Variants in SELENOW observed in about 807,000 individuals in gnomAD.
The protein encoded by SELENOW is selenoprotein W, 1.
A neutral mutation model predicts 16.6 loss-of-function variants in SELENOW; 20 were observed. That is an observed-to-expected ratio of 1.21 (90% confidence interval 0.85 to 1.76). SELENOW has a LOEUF of 1.76. SELENOW is among the 40% of genes most tolerant of loss of function. The probability of loss-of-function intolerance (pLI) is 0.00; values close to 1 mark genes in which losing one functional copy is unlikely to be tolerated. For synonymous variants in SELENOW, 44 were observed against 46.2 expected (o/e 0.95, Z 0.19); for missense variants, 124 against 111.0 (o/e 1.12, Z -0.53).
In SELENOW at chr19:47,779,077, C is replaced by G. The variant is rs1967441943; in HGVS notation, c.29+263C>G. ...GACGAGTGTGTGTCAATTTCGAACCCCCGACTCCGGGGCTCCGCTGGGGAA... is the reference window on the plus strand; with the variant it reads ...GACGAGTGTGTGTCAATTTCGAACCGCCGACTCCGGGGCTCCGCTGGGGAA... On this transcript the variant is annotated intron_variant, in intron 1 of 5. Transcript: ENST00000601048. 2.4e-5 allele frequency: 12 copies of G among 497,770 alleles called. No individual in the cohort carries two copies. The South Asian group carries it at 3.2e-4, about 13-fold the overall frequency. The allele number at this position is 497,770 out of a possible 1,614,324, so 30.8% of individuals were successfully genotyped here. A position where few individuals can be genotyped will look rare whatever the true frequency, so the allele number is the denominator to read the frequency against.
intron 2 of SELENOW, 23 bp downstream of exon 2, chr19:47,780,772 G>GA (rs1412403001): frequency 1.3e-6 from 2 of 1,582,020 alleles, no homozygotes; most frequent in Admixed American, 3.7e-5. Context: ...GATGCCCGGG[G>GA]GGCATTCCTG....
At chr19:47,783,293 C>CAACT (rs1568608699) in intron 5 of SELENOW, 6 of 152,016 alleles carry the variant, frequency 3.9e-5, no homozygotes, top group African/African-American at 1.5e-4. Context: ...CTCCGCCTCC[C>CAACT]GGGTTCACGC....
chr19:47,779,845 T>A (rs966484238), intron 1 of SELENOW: 148 of 177,470 alleles, frequency 8.3e-4, no homozygotes, highest in Non-Finnish European at 2.0e-4. Flanking sequence ...GAATTTTAGT[T>A]CTATGTTACA....
chr19:47,781,508 G>T, intron 5 of SELENOW, 120 bp downstream of exon 5: 1 of 649,314 alleles, frequency 1.5e-6, no homozygotes, highest in East Asian at 2.7e-5. Flanking sequence ...TGTGTCCCCA[G>T]AGCGAGCGGG....
intron 5 of SELENOW, 90 bp downstream of exon 5, chr19:47,781,478 G>A (rs1309178939): frequency 1.4e-6 from 1 of 740,060 alleles, no homozygotes; most frequent in Non-Finnish European, 2.3e-6. Flanking sequence ...GAGAGCCTGG[G>A]AGATGGGGGG....
At chr19:47,783,023 G>C (rs1277817811) in intron 5 of SELENOW, 1 of 152,020 alleles carries the variant, frequency 6.6e-6, no homozygotes, top group Non-Finnish European at 1.5e-5. Flanking sequence ...TCTGGTCTCT[G>C]GCACTGCAGG....
intron 5 of SELENOW, chr19:47,783,069 C>A (rs374634653): frequency 8.6e-5 from 13 of 150,440 alleles, no homozygotes; most frequent in African/African-American, 2.9e-4. Context: ...GGTGGAGTCT[C>A]GCTCTGTCGC....
At chr19:47,780,573 C>T (rs751874506) in intron 1 of SELENOW, 152 bp from the exon 2 acceptor site, 18 of 663,372 alleles carry the variant, frequency 2.7e-5, no homozygotes, top group Non-Finnish European at 4.1e-5. Flanking sequence ...GGGCATCTGT[C>T]ACCTCTTCTG....
intron 1 of SELENOW, 74 bp from the exon 2 acceptor site, chr19:47,780,651 T>C: frequency 1.5e-6 from 2 of 1,345,692 alleles, no homozygotes; most frequent in Non-Finnish European, 2.1e-6. Context: ...ACCGCCTGTG[T>C]CTACCCTCCT....
At position 47,780,918 on chromosome 19, in the gene SELENOW, G is replaced by A. The variant is rs771855509; in HGVS notation, c.108+1G>A. 25 of 1,613,236 alleles carry A rather than the reference G, an allele frequency of 1.5e-5. No individual in the cohort carries two copies. Among genetic ancestry groups the A allele is most frequent in the Non-Finnish European group, 1.9e-5 (23 of 1,179,668 alleles). On this transcript the variant is annotated splice_donor_variant, in intron 3 of 5. Transcript: ENST00000601048. LOFTEE classifies it high-confidence loss of function. ...TGAGTTCCCCGGCCGCCTGGACATC[G>A]TGAGTCTTGGGATGGGGAGAAAGAC...
At position 47,778,830 on chromosome 19, in the gene SELENOW, A is replaced by G. The variant is rs1251067572; in HGVS notation, c.29+16A>G. On this transcript the variant is annotated intron_variant, in intron 1 of 5. Coordinates refer to ENST00000601048, the MANE Select transcript of SELENOW (RefSeq NM_003009.4). ...TCGTTTATTGGTAAGCCCAGCGGCC[A>G]GCGGCCCCCGTCCCCGACCCCCGCC... 7.0e-6 allele frequency: 11 copies of G among 1,578,042 alleles called. No homozygotes were observed. The highest frequency in any genetic ancestry group is 1.1e-5 in the South Asian group (1 of 88,906).
chr19:47,784,488 TC>T lies in SELENOW; in HGVS notation c.*219del, dbSNP rs947547000. 3.9e-5 allele frequency: 6 copies of T among 152,452 alleles called. No individual in the cohort carries two copies. The highest frequency in any genetic ancestry group is 1.5e-5 in the Non-Finnish European group (1 of 68,066). The allele number at this position is 152,452 out of a possible 1,614,324, so 9.4% of individuals were successfully genotyped here. A position where few individuals can be genotyped will look rare whatever the true frequency, so the allele number is the denominator to read the frequency against. On this transcript the variant is annotated 3_prime_UTR_variant, in exon 6 of 6. Transcript: ENST00000601048. ...CGGAATCCACACCACCCCACCCTCC[TC>T]CTGTCCCGTGGTTTCATCATATCTC... is the stretch of plus-strand genomic sequence containing the variant.
chr19:47,782,004 C>T (rs973476412), intron 5 of SELENOW, among the ~76,000 whole-genome samples: 34 of 152,080 alleles, frequency 2.2e-4, no homozygotes, highest in African/African-American at 8.2e-4. Context: ...CAGAGGGCTG[C>T]CCTAAAACAG....
chr19:47,781,948 A>C (rs1316115633), intron 5 of SELENOW, among the ~76,000 whole-genome samples: 1 of 152,028 alleles, frequency 6.6e-6, no homozygotes, highest in Non-Finnish European at 1.5e-5. Context: ...GCAGGATGAC[A>C]GCTGAGATGG....
intron 1 of SELENOW, 86 bp downstream of exon 1, chr19:47,778,900 G>T (rs1967439455): frequency 5.1e-6 from 7 of 1,382,650 alleles, no homozygotes; most frequent in African/African-American, 1.4e-5. Flanking sequence ...CCGGGGAGAG[G>T]ACCCATGGGA....
In SELENOW at chr19:47,778,789, G is replaced by T; in HGVS notation, c.4G>T (p.Ala2Ser). The T allele has an allele frequency of 6.2e-7, 1 of 1,605,702 alleles. No individual in the cohort carries two copies. M[A>S]LAVRVVYCGA... The stretch of plus-strand genomic sequence containing the variant: ...GCGGATGTGGCAGCCCCGAGCCATG[G>T]CTCTCGCCGTCCGAGTCGTTTATTG... Residue 2 changes from alanine to serine, a missense_variant, in exon 1 of 6, where the codon GCT becomes TCT. By Grantham distance (99) the Ala-to-Ser change is moderately conservative (BLOSUM62 1). Coordinates refer to ENST00000601048, the MANE Select transcript of SELENOW (RefSeq NM_003009.4).
intron 5 of SELENOW, among the ~76,000 whole-genome samples, chr19:47,781,956 T>C (rs1248419377): frequency 6.6e-6 from 1 of 151,752 alleles, no homozygotes; most frequent in Non-Finnish European, 1.5e-5. Flanking sequence ...ACAGCTGAGA[T>C]GGGGTATGCA....
intron 2 of SELENOW, 23 bp from the exon 3 acceptor site, chr19:47,780,841 G>A (rs1187783788): frequency 6.2e-7 from 1 of 1,611,780 alleles, no homozygotes; most frequent in Admixed American, 1.7e-5. Context: ...GACCCCTGCT[G>A]TGACCTCTCA....
chr19:47,778,906 TGGGAGCCCTTGTATGGGAAAA>T (rs1445580936), intron 1 of SELENOW, 92 bp downstream of exon 1: 10 of 1,325,334 alleles, frequency 7.5e-6, no homozygotes, highest in East Asian at 5.1e-5. Context: ...AGAGGACCCA[TGGGAGCCCTTGTATGGGAAAA>T]GGGAGCCCCT....
Sources: allele counts gnomAD v4.1 joint callset (sites outside exome capture counted in the v4.1 genomes callset), GRCh38; gene constraint gnomAD v4.1.1; transcripts MANE v1.5; gene names NCBI Gene and HGNC (gene_info 2026-07-23, HGNC 2026-07-21).